The following SLC39A11 variants were observed in gnomAD, a reference collection of about 807,000 sequenced individuals.
SLC39A11 encodes solute carrier family 39 member 11.
A neutral mutation model predicts 36.1 loss-of-function variants in SLC39A11; 33 were observed. The ratio of observed to expected loss-of-function variants is 0.91; its 90% CI spans 0.69 to 1.22. The LOEUF (loss-of-function observed/expected upper bound fraction) is 1.22, where lower values mean the gene tolerates loss of function less well. Ranked by LOEUF, SLC39A11 falls within the 50% of genes most tolerant of loss-of-function variation. The pLI is 0.00. For missense variants in SLC39A11, 432 were observed against 430.3 expected, an observed-to-expected ratio of 1.00 and a Z score of -0.03; for synonymous variants, 166 against 170.3, an observed-to-expected ratio of 0.97 and a Z score of 0.20.
chr17:72,930,587 C>T (rs1351069304), intron 5 of SLC39A11, among the ~76,000 whole-genome samples: 2 of 152,162 alleles, frequency 1.3e-5, no homozygotes, highest in Non-Finnish European at 2.9e-5. Context: ...ACAGAAGAAG[C>T]GACTACAGTT....
At chr17:73,036,939 T>G (rs1185420099) in intron 3 of SLC39A11, among the ~76,000 whole-genome samples, 2 of 152,214 alleles carry the variant, frequency 1.3e-5, no homozygotes, top group African/African-American at 4.8e-5. Flanking sequence ...GTCTCTATAG[T>G]TTTGCCTTTT....
intron 6 of SLC39A11, among the ~76,000 whole-genome samples, chr17:72,835,819 T>C (rs1035109688): frequency 6.6e-6 from 1 of 152,178 alleles, no homozygotes; most frequent in Admixed American, 6.5e-5. Flanking sequence ...ATTATCTGCA[T>C]TTTACAGCTG....
chr17:72,852,221 A>C (rs1017011434), intron 5 of SLC39A11, among the ~76,000 whole-genome samples: 21 of 149,168 alleles, frequency 1.4e-4, no homozygotes, highest in African/African-American at 4.9e-4. Flanking sequence ...AAAAAAAAAA[A>C]AAAAAAACAG....
intron 7 of SLC39A11, among the ~76,000 whole-genome samples, chr17:72,671,982 T>A (rs1369822473): frequency 2.0e-5 from 3 of 152,206 alleles, no homozygotes; most frequent in Non-Finnish European, 2.9e-5. Flanking sequence ...AATACTGTAT[T>A]GTAAACTTGA....
chr17:72,836,367 G>T (rs1402053908), intron 6 of SLC39A11, among the ~76,000 whole-genome samples: 1 of 151,468 alleles, frequency 6.6e-6, no homozygotes. Flanking sequence ...TTGAGACAGG[G>T]TCTCGCTCTG....
chr17:72,656,191 C>T (rs549337557), intron 7 of SLC39A11, among the ~76,000 whole-genome samples: 34 of 152,310 alleles, frequency 2.2e-4, no homozygotes, highest in African/African-American at 7.0e-4. Context: ...AAAATACAAA[C>T]CCATGCCCTT....
At chr17:72,760,874 G>A (rs1334085708) in intron 6 of SLC39A11, among the ~76,000 whole-genome samples, 2 of 152,090 alleles carry the variant, frequency 1.3e-5, no homozygotes, top group Admixed American at 1.3e-4. Flanking sequence ...ACGCCTGGAG[G>A]GAAATCCTCT....
intron 5 of SLC39A11, among the ~76,000 whole-genome samples, chr17:72,919,694 G>C (rs924714230): frequency 3.7e-4 from 52 of 138,872 alleles, no homozygotes; most frequent in Admixed American, 1.3e-3. Flanking sequence ...AAGAAAAAAA[G>C]AAGGAAACCC....
intron 5 of SLC39A11, among the ~76,000 whole-genome samples, chr17:72,941,092 C>G (rs745881505): frequency 1.3e-5 from 2 of 151,798 alleles, no homozygotes; most frequent in Admixed American, 6.6e-5. Flanking sequence ...GGCAACACGG[C>G]AAAATGCCAT....
chr17:72,834,728 T>TGG (rs1410051511), intron 6 of SLC39A11, among the ~76,000 whole-genome samples: 2 of 152,262 alleles, frequency 1.3e-5, no homozygotes, highest in African/African-American at 4.8e-5. Flanking sequence ...TGGAAGTTAT[T>TGG]GGAAACTTTG....
chr17:72,750,500 G>A (rs1419242581), intron 6 of SLC39A11, among the ~76,000 whole-genome samples: 1 of 96,170 alleles, frequency 1.0e-5, no homozygotes, highest in African/African-American at 4.0e-5. Flanking sequence ...AAAAACTGGA[G>A]GAAAGGATTT....
chr17:72,876,174 C>G (rs1408376616), intron 5 of SLC39A11, among the ~76,000 whole-genome samples: 1 of 152,124 alleles, frequency 6.6e-6, no homozygotes, highest in Non-Finnish European at 1.5e-5. Context: ...TGGGACATAA[C>G]CATGCTCTGC....
intron 7 of SLC39A11, among the ~76,000 whole-genome samples, chr17:72,668,593 A>T (rs1207637976): frequency 1.3e-5 from 2 of 152,198 alleles, no homozygotes; most frequent in African/African-American, 4.8e-5. Flanking sequence ...AAGGAATGAG[A>T]AGTTCAAAGT....
chr17:72,763,569 C>T (rs2144585399), intron 6 of SLC39A11, among the ~76,000 whole-genome samples: 2 of 152,236 alleles, frequency 1.3e-5, no homozygotes, highest in Middle Eastern at 3.4e-3. Context: ...TGAAAGAATT[C>T]AAAATAATTA....
intron 5 of SLC39A11, among the ~76,000 whole-genome samples, chr17:72,940,596 A>C (rs1035202885): frequency 1.3e-5 from 2 of 151,898 alleles, no homozygotes; most frequent in Non-Finnish European, 2.9e-5. Context: ...TTCTCGCTGC[A>C]CTCTTTGAGT....
At position 73,013,522 on chromosome 17, in the gene SLC39A11, A is replaced by G. The variant is rs141688391; in HGVS notation, c.306+18034T>C. 7.3e-4 allele frequency among the ~76,000 whole-genome samples: 111 copies of G among 152,366 alleles called. No homozygotes were observed. In the East Asian group the frequency reaches 0.019, roughly 27 times the overall value. ...GCAGCTGCAGGGGATTCCACAGTTC[A>G]TAAATGAACAGGTGCAGCTGACTTG... On this transcript the variant is annotated intron_variant, in intron 4 of 9. Coordinates refer to ENST00000255559, the MANE Select transcript of SLC39A11 (RefSeq NM_139177.4).
chr17:72,942,475 C>G (rs569087624), intron 5 of SLC39A11, among the ~76,000 whole-genome samples: 8 of 152,184 alleles, frequency 5.3e-5, no homozygotes, highest in African/African-American at 1.9e-4. Flanking sequence ...AGAGACTTCC[C>G]CAAACACATT....
Position 72,680,096 on chromosome 17 carries a change from T to C in SLC39A11, c.672-30828A>G, listed in dbSNP as rs577951388. ...GAATTGTGGTAAAATTAATATAACA[T>C]AGAACTCAGCATTTTAACCATTTAT... On this transcript the variant is annotated intron_variant, in intron 7 of 9. Coordinates refer to ENST00000255559, the MANE Select transcript of SLC39A11 (RefSeq NM_139177.4). Among the ~76,000 whole-genome samples the C allele has an allele frequency of 9.8e-4, 121 of 123,290 alleles. 1 individual carries two copies. Among genetic ancestry groups the C allele is most frequent in the African/African-American group, 3.9e-3 (117 of 30,308 alleles). 80.9% of individuals were successfully genotyped at this position (123,290 alleles called of 152,430 possible). A position where few individuals can be genotyped will look rare whatever the true frequency, so the allele number is the denominator to read the frequency against.
At chr17:72,830,517 T>C (rs970603562) in intron 6 of SLC39A11, among the ~76,000 whole-genome samples, 1 of 152,176 alleles carries the variant, frequency 6.6e-6, no homozygotes, top group African/African-American at 2.4e-5. Context: ...TACTCTTCTG[T>C]CCAGCAACCT....
Sources: allele counts gnomAD v4.1 joint callset (sites outside exome capture counted in the v4.1 genomes callset), GRCh38; gene constraint gnomAD v4.1.1; transcripts MANE v1.5; gene names NCBI Gene and HGNC (gene_info 2026-07-23, HGNC 2026-07-21).